Variants in CDKN2B-AS1 observed in about 807,000 individuals in gnomAD.
The protein encoded by CDKN2B-AS1 is CDKN2B antisense RNA 1 (non-protein coding).
At chr9:22,079,502 C>A (rs113698606) in intron 4 of CDKN2B-AS1, among the ~76,000 whole-genome samples, 15 of 135,652 alleles carry the variant, frequency 1.1e-4, no homozygotes, top group Middle Eastern at 3.6e-3. Flanking sequence ...AGCAAAACAC[C>A]ATCTAAAAAA....
intron 1 of CDKN2B-AS1, among the ~76,000 whole-genome samples, chr9:22,028,802 A>G (rs7049105): frequency 0.58 from 88,371 of 151,930 alleles, 26,689 homozygotes; most frequent in African/African-American, 0.71. Flanking sequence ...AAACTCTGCC[A>G]TTATAGATTT....
chr9:22,065,757 G>C (rs1824011249), intron 4 of CDKN2B-AS1: 1 of 152,164 alleles, frequency 6.6e-6, no homozygotes, highest in African/African-American at 2.4e-5. Context: ...CAACACTCCA[G>C]GTCAGCTATT....
chr9:22,009,283 G>A (rs916462399), intron 1 of CDKN2B-AS1: 2 of 483,306 alleles, frequency 4.1e-6, no homozygotes, highest in Non-Finnish European at 7.4e-6. Context: ...AGTCCTCACT[G>A]CCCCGCCTCG....
chr9:22,003,205 C>T (rs945009044), intron 1 of CDKN2B-AS1: 2 of 216,270 alleles, frequency 9.2e-6, no homozygotes, highest in Admixed American at 5.8e-5. Flanking sequence ...TTTTACATGG[C>T]ATTGATAAGT....
In CDKN2B-AS1 at chr9:21,997,648, G is replaced by A. The variant is rs769116402; in HGVS notation, n.29+2487G>A. 7.9e-5 allele frequency among the ~76,000 whole-genome samples: 12 copies of A among 152,074 alleles called. No individual in the cohort carries two copies. Among genetic ancestry groups the A allele is most frequent in the Admixed American group, 3.3e-4 (5 of 15,252 alleles). On this transcript the variant is annotated intron_variant and non_coding_transcript_variant, in intron 1 of 4. Coordinates refer to ENST00000650946, the Ensembl canonical transcript of CDKN2B-AS1. This position sits in a 1 kb window ranked among gnomAD's most constrained non-coding sequence, Gnocchi z 4.8. Reference sequence around the variant, plus strand: ...AAGCAGAATTTCTTCTTCCTTGAGGGACCTCAGTCATTTCTCTTAAGCTCT... The same window carrying A: ...AAGCAGAATTTCTTCTTCCTTGAGGAACCTCAGTCATTTCTCTTAAGCTCT...
chr9:22,051,037 T>A lies in CDKN2B-AS1; in HGVS notation n.302+1809T>A, dbSNP rs191548712. Among the ~76,000 whole-genome samples, 101 of 152,320 alleles carry A rather than the reference T, an allele frequency of 6.6e-4. 2 individuals carry two copies. The East Asian group carries it at 0.017, about 25-fold the overall frequency. ...ACACAAGGAAACACTTGGATGTTCA[T>A]ATTGTCTACTTGGTTTTCATGAACC... On this transcript the variant is annotated intron_variant and non_coding_transcript_variant, in intron 3 of 4. Coordinates refer to ENST00000650946, the Ensembl canonical transcript of CDKN2B-AS1.
At chr9:22,060,701 T>C (rs938523918) in intron 4 of CDKN2B-AS1, among the ~76,000 whole-genome samples, 3 of 152,142 alleles carry the variant, frequency 2.0e-5, no homozygotes, top group Non-Finnish European at 2.9e-5. Context: ...TACCTGAAAC[T>C]AGGAACAAAA....
chr9:22,018,182 G>T (rs1011241106), intron 1 of CDKN2B-AS1, among the ~76,000 whole-genome samples: 1 of 151,844 alleles, frequency 6.6e-6, no homozygotes, highest in Non-Finnish European at 1.5e-5. Flanking sequence ...AAATTAGCTG[G>T]GGGTGGTGTC....
At chr9:22,037,243 T>C (rs868852660) in intron 1 of CDKN2B-AS1, among the ~76,000 whole-genome samples, 1 of 152,048 alleles carries the variant, frequency 6.6e-6, no homozygotes, top group African/African-American at 2.4e-5. Flanking sequence ...GCTTCTTCAG[T>C]GGGATAAAGA....
chr9:22,071,671 A>G (rs1824301402), intron 4 of CDKN2B-AS1, among the ~76,000 whole-genome samples: 1 of 152,154 alleles, frequency 6.6e-6, no homozygotes, highest in Non-Finnish European at 1.5e-5. Flanking sequence ...AAATGGAAGT[A>G]CACTCAATTT....
intron 4 of CDKN2B-AS1, among the ~76,000 whole-genome samples, chr9:22,064,598 G>T (rs1265494189): frequency 3.3e-5 from 5 of 152,204 alleles, no homozygotes; most frequent in Non-Finnish European, 7.3e-5. Context: ...AAGATGGAGT[G>T]AATCAGTTCG....
At chr9:22,073,637 C>T (rs533394148) in intron 4 of CDKN2B-AS1, among the ~76,000 whole-genome samples, 1 of 152,250 alleles carries the variant, frequency 6.6e-6, no homozygotes, top group South Asian at 2.1e-4. Context: ...GAAGAAACTG[C>T]CTGCTGTTTT....
intron 4 of CDKN2B-AS1, among the ~76,000 whole-genome samples, chr9:22,080,422 T>G (rs1299244921): frequency 6.6e-6 from 1 of 152,236 alleles, no homozygotes; most frequent in African/African-American, 2.4e-5. Flanking sequence ...TATCATTGGC[T>G]GATGTGAGCT....
chr9:22,012,576 C>A (rs1018687410), intron 1 of CDKN2B-AS1: 3 of 504,190 alleles, frequency 6.0e-6, no homozygotes, highest in Non-Finnish European at 7.5e-6. Context: ...CCTGCCCAGG[C>A]CCCATGGCCC....
intron 4 of CDKN2B-AS1, among the ~76,000 whole-genome samples, chr9:22,121,816 T>C (rs992860225): frequency 6.6e-6 from 1 of 152,168 alleles, no homozygotes; most frequent in African/African-American, 2.4e-5. Flanking sequence ...CCTGGATTGA[T>C]TCTATAACTT....
chr9:22,019,478 A>G (rs1446781587), intron 1 of CDKN2B-AS1, among the ~76,000 whole-genome samples: 1 of 152,092 alleles, frequency 6.6e-6, no homozygotes, highest in Non-Finnish European at 1.5e-5. Context: ...GAGGGAAGGG[A>G]AGGTGTTAGG....
chr9:22,097,944 A>G (rs949713003), intron 4 of CDKN2B-AS1, among the ~76,000 whole-genome samples: 4 of 152,226 alleles, frequency 2.6e-5, no homozygotes, highest in African/African-American at 7.2e-5. Flanking sequence ...ACTTGAGGCT[A>G]TGAGTCAAAG....
Position 22,006,143 on chromosome 9 carries a change from A to AGCATCATGCACCGGTC in CDKN2B-AS1, n.29+10984_29+10999dup, listed in dbSNP as rs1821172077. 4 of 1,611,548 alleles carry AGCATCATGCACCGGTC rather than the reference A, an allele frequency of 2.5e-6. No homozygotes were observed. The highest frequency in any genetic ancestry group is 3.4e-6 in the Non-Finnish European group (4 of 1,179,878). Reference sequence around the variant, plus strand: ...GCGTGTCCAGGAAGCCCTCCCGGGCAGCATCATGCACCGGTCGGGTGAGAG... The same window carrying AGCATCATGCACCGGTC: ...GCGTGTCCAGGAAGCCCTCCCGGGCAGCATCATGCACCGGTCGCATCATGCACCGGTCGGGTGAGAG... On this transcript the variant is annotated intron_variant and non_coding_transcript_variant, in intron 1 of 4. Coordinates refer to ENST00000650946, the Ensembl canonical transcript of CDKN2B-AS1. The surrounding 1 kb of genome is among the most constrained non-coding windows in gnomAD (Gnocchi z 6.4).
At chr9:22,036,988 A>C (rs935118058) in intron 1 of CDKN2B-AS1, among the ~76,000 whole-genome samples, 2 of 152,066 alleles carry the variant, frequency 1.3e-5, no homozygotes, top group Non-Finnish European at 2.9e-5. Flanking sequence ...GGCTCTGTGC[A>C]TTCTTTCTCC....
Sources: gnomAD v4.1 joint callset for allele counts (sites outside exome capture counted in the v4.1 genomes callset) on GRCh38, gnomAD v4.1.1 for gene constraint, Gnocchi (gnomAD v3.1) non-coding constraint, MANE v1.5 for transcripts, NCBI Gene and HGNC (gene_info 2026-07-23, HGNC 2026-07-21) for gene names.